The following ZNF638 variants were observed in gnomAD, a reference collection of about 807,000 sequenced individuals.
ZNF638 encodes CTCL tumor antigen se33-1.
ZNF638 carries 46 observed loss-of-function variants against 195.6 expected under a neutral mutation model. The ratio of observed to expected loss-of-function variants is 0.24; its 90% CI spans 0.19 to 0.30. The LOEUF (loss-of-function observed/expected upper bound fraction) is 0.30. ZNF638 is among the 10% of genes least tolerant of loss of function. The pLI, the probability that ZNF638 is intolerant of heterozygous loss-of-function variation, is 1.00. For missense variants in ZNF638, 2,440 were observed against 2,325.3 expected (o/e 1.05, Z -1.01); for synonymous variants, 845 against 772.0 (o/e 1.09, Z -1.57).
In ZNF638 at chr2:71,349,720, A is replaced by G; in HGVS notation, c.766A>G (p.Asn256Asp). 1 of 1,614,138 alleles carries G rather than the reference A, an allele frequency of 6.2e-7. No homozygotes were observed. Among genetic ancestry groups the G allele is most frequent in the Non-Finnish European group, 8.5e-7 (1 of 1,180,020 alleles). The stretch of plus-strand genomic sequence containing the variant: ...CATTTCTGCATCTGTTCCCAATCCA[A>G]ATGTGATATGTAATTCTATGTTTCC... ...QNISASVPNPNVICNSMFPVE... is the reference protein window; with the variant it reads ...QNISASVPNPDVICNSMFPVE... The change falls in exon 2 of 28, where the codon AAT (asparagine) becomes GAT (aspartate). Residue 256 changes from asparagine (N) to aspartate (D), a missense_variant. Asn to Asp is a conservative substitution (Grantham distance 23, BLOSUM62 1). This residue lies in a region of ZNF638 where 305 missense variants were observed against 283.6 expected (regional missense o/e 1.08). Transcript: ENST00000264447.
At chr2:71,359,128 G>A (rs1236428284) in intron 3 of ZNF638, among the ~76,000 whole-genome samples, 1 of 152,122 alleles carries the variant, frequency 6.6e-6, no homozygotes, top group African/African-American at 2.4e-5. Context: ...GTATGCCTAT[G>A]TATCGATATA....
chr2:71,380,425 CGTTT>C, intron 9 of ZNF638, 84 bp from the exon 10 acceptor site: 1 of 1,249,754 alleles, frequency 8.0e-7, no homozygotes, highest in Non-Finnish European at 1.1e-6. Context: ...TTATTTTAAA[CGTTT>C]TTAGGTTTAA....
chr2:71,405,503 A>G (rs1281177465), intron 17 of ZNF638, 98 bp from the exon 18 acceptor site: 2 of 727,800 alleles, frequency 2.7e-6, no homozygotes, highest in East Asian at 2.9e-5. Context: ...TTTGTAATGC[A>G]TATTTGTATA....
intron 11 of ZNF638, 53 bp from the exon 12 acceptor site, chr2:71,398,648 A>G: frequency 7.4e-7 from 1 of 1,349,210 alleles, no homozygotes. Context: ...TTCTTTGGAG[A>G]TTGTTGATAC....
At chr2:71,360,778 T>G (rs1489803360) in intron 3 of ZNF638, among the ~76,000 whole-genome samples, 2 of 152,206 alleles carry the variant, frequency 1.3e-5, no homozygotes, top group East Asian at 1.9e-4. Context: ...AAAGATAATA[T>G]CAGTTAACTA....
At position 71,368,483 on chromosome 2, in the gene ZNF638, A is replaced by G. The variant is rs1021542842; in HGVS notation, c.2097A>G (p.Pro699=). 2.5e-6 allele frequency: 4 copies of G among 1,613,480 alleles called. No individual in the cohort carries two copies. Among genetic ancestry groups the G allele is most frequent in the South Asian group, 2.2e-5 (2 of 91,042 alleles). ...AAGATGTGAGAAAATTATTTCAACC[A>G]TTTGGGAAAGTGAATGATGTCCTAA... The part of the protein sequence containing the change: ...TEEDVRKLFQ[P]FGKVNDVLIV... The change falls in exon 7 of 28, where the codon CCA becomes CCG. Residue 699 remains proline, a synonymous_variant. Transcript: ENST00000264447.
At chr2:71,419,625 G>A (rs1397606066) in intron 21 of ZNF638, among the ~76,000 whole-genome samples, 1 of 152,164 alleles carries the variant, frequency 6.6e-6, no homozygotes, top group South Asian at 2.1e-4. Context: ...CATACCAGGT[G>A]CATTCACATA....
At chr2:71,395,247 G>C (rs1291728255) in intron 10 of ZNF638, 1 of 717,268 alleles carries the variant, frequency 1.4e-6, no homozygotes. Context: ...CTAATTCTAG[G>C]ATGCAAAGCC....
chr2:71,376,121 G>C (rs945275586), intron 8 of ZNF638: 1 of 152,218 alleles, frequency 6.6e-6, no homozygotes, highest in African/African-American at 2.4e-5. Flanking sequence ...AGCAGTGTAA[G>C]TCCAAGAGCC....
rs2079888450 is a variant in ZNF638, at chr2:71,396,116, T to C, written c.2378-25T>C. On this transcript the variant is annotated intron_variant, in intron 10 of 27. Transcript: ENST00000264447. ...AGTGATGTTATTTGTAATGTAGTAC[T>C]TAAATGTTTTTCTTGTTGTTTTAGC... is the stretch of plus-strand genomic sequence containing the variant. The C allele has an allele frequency of 1.2e-6, 2 of 1,607,180 alleles. 1 individual carries two copies. The highest frequency in any genetic ancestry group is 3.3e-4 in the Middle Eastern group (2 of 6,050).
intron 1 of ZNF638, among the ~76,000 whole-genome samples, chr2:71,332,344 A>T (rs564502757): frequency 6.6e-6 from 1 of 152,168 alleles, no homozygotes; most frequent in Non-Finnish European, 1.5e-5. Context: ...GTGGAGTTTG[A>T]GCCGAGCCCT....
chr2:71,399,637 C>CTAT lies in ZNF638; in HGVS notation c.2580_2582dup (p.Ile861dup). ...AACAAAGACTCTAACAAACCTGTGA[C>CTAT]TATACCAGGTAAGCTTGAAATGTGG... is the stretch of plus-strand genomic sequence containing the variant. On this transcript the variant is annotated inframe_insertion, in exon 13 of 28. Transcript: ENST00000264447. 1.2e-6 allele frequency: 2 copies of CTAT among 1,609,758 alleles called. No homozygotes were observed. The highest frequency in any genetic ancestry group is 2.7e-5 in the African/African-American group (2 of 74,710).
At chr2:71,346,683 T>C (rs569363400) in intron 1 of ZNF638, among the ~76,000 whole-genome samples, 90 of 152,038 alleles carry the variant, frequency 5.9e-4, no homozygotes, top group Non-Finnish European at 1.0e-3. Context: ...TGTGTGTGAG[T>C]GCAAAAACAT....
At position 71,417,366 on chromosome 2, in the gene ZNF638, G is replaced by A. The variant is rs1450770591; in HGVS notation, c.3262-1236G>A. 1.3e-4 allele frequency among the ~76,000 whole-genome samples: 19 copies of A among 150,746 alleles called. No homozygotes were observed. In the East Asian group the frequency reaches 1.4e-3, roughly 11 times the overall value. ...ACGGTGCGCGCACACACTGACCTGC[G>A]CCCACTGTCTGGCACTCCCTAGTGA... On this transcript the variant is annotated intron_variant, in intron 20 of 27. Transcript: ENST00000264447.
intron 10 of ZNF638, chr2:71,393,395 C>G: frequency 1.4e-6 from 1 of 718,556 alleles, no homozygotes; most frequent in South Asian, 1.5e-5. Context: ...CCCCCTCAGG[C>G]CCTCTTTGGA....
intron 7 of ZNF638, among the ~76,000 whole-genome samples, chr2:71,368,929 A>G (rs1184654381): frequency 1.3e-5 from 2 of 152,250 alleles, no homozygotes; most frequent in Admixed American, 6.5e-5. Context: ...AGATAATACT[A>G]AAACAAATTA....
In ZNF638 at chr2:71,365,031, G is replaced by T. The variant is rs558606647; in HGVS notation, c.1718-398G>T. On this transcript the variant is annotated intron_variant, in intron 5 of 27. Coordinates refer to ENST00000264447, the MANE Select transcript of ZNF638 (RefSeq NM_014497.5). Reference sequence around the variant, plus strand: ...AATTTTGTTTTGGGAATTACAGTTGGTTTTTATAAAAATATTTATGTTAAT... The same window carrying T: ...AATTTTGTTTTGGGAATTACAGTTGTTTTTTATAAAAATATTTATGTTAAT... Among the ~76,000 whole-genome samples, 15 of 152,146 alleles carry T rather than the reference G, an allele frequency of 9.9e-5. No homozygotes were observed. The South Asian group carries it at 3.1e-3, about 32-fold the overall frequency.
chr2:71,369,565 C>G (rs1206721694), intron 7 of ZNF638, among the ~76,000 whole-genome samples: 2 of 152,176 alleles, frequency 1.3e-5, no homozygotes, highest in Non-Finnish European at 2.9e-5. Flanking sequence ...AGACCTACCA[C>G]AAGCTGGACC....
At chr2:71,347,321 G>A (rs2078867048) in intron 1 of ZNF638, among the ~76,000 whole-genome samples, 1 of 152,160 alleles carries the variant, frequency 6.6e-6, no homozygotes, top group Non-Finnish European at 1.5e-5. Context: ...GGAGTTGTGT[G>A]GTGAAAATGT....
Sources: gnomAD v4.1 joint callset for allele counts (sites outside exome capture counted in the v4.1 genomes callset) on GRCh38, gnomAD v4.1.1 for gene constraint, gnomAD v4.1.1 regional missense constraint, MANE v1.5 for transcripts, NCBI Gene and HGNC (gene_info 2026-07-23, HGNC 2026-07-21) for gene names.